Variants in MYO16 observed in about 807,000 individuals in gnomAD.
MYO16 encodes the protein unconventional myosin-XVI.
A neutral mutation model predicts 205.3 loss-of-function variants in MYO16; 94 were observed. The ratio of observed to expected loss-of-function variants is 0.46; its 90% CI spans 0.39 to 0.54. The LOEUF is 0.54. Ranked by LOEUF, MYO16 falls within the 20% of genes least tolerant of loss-of-function variation. MYO16 has a pLI of 0.00. For missense variants in MYO16, 2,315 were observed against 2,387.5 expected (o/e 0.97, Z 0.63); for synonymous variants, 988 against 954.0 (o/e 1.04, Z -0.66).
At chr13:109,117,223 C>T (rs1875736860) in intron 28 of MYO16, among the ~76,000 whole-genome samples, 1 of 151,992 alleles carries the variant, frequency 6.6e-6, no homozygotes, top group Non-Finnish European at 1.5e-5. Flanking sequence ...GTCTCTGTGA[C>T]TCACTTTATG....
the MYO16 span, among the ~76,000 whole-genome samples, chr13:108,534,988 C>T: frequency 1.4e-5 from 2 of 145,492 alleles, no homozygotes; most frequent in Non-Finnish European, 3.0e-5. Flanking sequence ...TTTCTTCTCT[C>T]CTTCCTTCCT....
intron 2 of MYO16, among the ~76,000 whole-genome samples, chr13:108,697,265 C>A (rs1297923007): frequency 1.3e-5 from 2 of 152,120 alleles, no homozygotes; most frequent in Non-Finnish European, 1.5e-5. Flanking sequence ...GCTCTCCTCC[C>A]TTCATTCTCT....
chr13:108,898,382 G>GTGTA, intron 15 of MYO16, among the ~76,000 whole-genome samples: 1 of 148,576 alleles, frequency 6.7e-6, no homozygotes, highest in South Asian at 2.3e-4. Context: ...GTGTGTGTGT[G>GTGTA]TGTGTGTATA....
At chr13:108,793,347 GGAA>G (rs1886680450) in intron 5 of MYO16, among the ~76,000 whole-genome samples, 166 bp from the exon 6 acceptor site, 1 of 151,700 alleles carries the variant, frequency 6.6e-6, no homozygotes, top group Non-Finnish European at 1.5e-5. Context: ...GACTATAGTT[GGAA>G]ATAGAATATG....
intron 1 of MYO16, among the ~76,000 whole-genome samples, chr13:108,621,466 C>G (rs1348616392): frequency 2.0e-5 from 3 of 152,134 alleles, no homozygotes; most frequent in Non-Finnish European, 4.4e-5. Context: ...TTTTAAATTG[C>G]ATGCTGTTCC....
chr13:108,993,284 C>A (rs1884898323), intron 21 of MYO16, among the ~76,000 whole-genome samples: 1 of 152,006 alleles, frequency 6.6e-6, no homozygotes. Flanking sequence ...ATTTCTTGGC[C>A]AAGATGAAGA....
At chr13:109,075,385 T>TTTTTTC (rs1888064108) in intron 27 of MYO16, among the ~76,000 whole-genome samples, 1 of 151,856 alleles carries the variant, frequency 6.6e-6, no homozygotes, top group Non-Finnish European at 1.5e-5. Flanking sequence ...CATTTCCTTT[T>TTTTTTC]TTTTTCTTTT....
At chr13:108,750,074 A>G (rs1885182224) in intron 4 of MYO16, among the ~76,000 whole-genome samples, 1 of 150,856 alleles carries the variant, frequency 6.6e-6, no homozygotes, top group African/African-American at 2.4e-5. Context: ...GAATAAAAAA[A>G]TGTCAGTGTT....
At chr13:108,628,818 A>G (rs1283917318), upstream of MYO16, among the ~76,000 whole-genome samples, 1 of 152,178 alleles carries the variant, frequency 6.6e-6, no homozygotes. Flanking sequence ...TATAACCTCA[A>G]ACCTGAAACA....
intron 22 of MYO16, among the ~76,000 whole-genome samples, chr13:109,014,220 G>A (rs1355587918): frequency 1.3e-5 from 2 of 152,264 alleles, no homozygotes; most frequent in East Asian, 1.9e-4. Context: ...TTATTAAATA[G>A]GGAATCCTTT....
intron 27 of MYO16, among the ~76,000 whole-genome samples, chr13:109,084,267 A>G (rs1412405551): frequency 6.6e-6 from 1 of 152,230 alleles, no homozygotes; most frequent in East Asian, 1.9e-4. Flanking sequence ...AGCATTGCCA[A>G]TTCATCCTAA....
the MYO16 span, among the ~76,000 whole-genome samples, chr13:108,559,387 C>T: frequency 2.0e-5 from 3 of 151,992 alleles, no homozygotes; most frequent in Non-Finnish European, 4.4e-5. Flanking sequence ...CTTGCATTTC[C>T]GGCCCCCAGG....
chr13:108,665,746 G>C, intron 1 of MYO16, 140 bp from the exon 2 acceptor site: 1 of 860,320 alleles, frequency 1.2e-6, no homozygotes, highest in South Asian at 3.0e-5. Context: ...AAGGGCTTTG[G>C]ATTTGCAATA....
intron 17 of MYO16, among the ~76,000 whole-genome samples, chr13:108,959,301 T>A (rs1250265950): frequency 6.6e-6 from 1 of 152,230 alleles, no homozygotes; most frequent in Non-Finnish European, 1.5e-5. Context: ...TGGTACTTTT[T>A]TGTTTTGATT....
intron 27 of MYO16, among the ~76,000 whole-genome samples, chr13:109,098,445 G>A (rs1756545344): frequency 6.6e-6 from 1 of 152,148 alleles, no homozygotes; most frequent in African/African-American, 2.4e-5. Context: ...TTAAAGAGGT[G>A]GTAGATGGTT....
chr13:108,588,868 C>A, the MYO16 span, among the ~76,000 whole-genome samples: 15 of 151,388 alleles, frequency 9.9e-5, no homozygotes, highest in Admixed American at 6.6e-5. Flanking sequence ...GATAAATATA[C>A]TTTCTTTTCA....
In MYO16 at chr13:109,075,712, C is replaced by A. The variant is rs199646992; in HGVS notation, c.3335+20117C>A. Among the ~76,000 whole-genome samples, 5 of 152,044 alleles carry A rather than the reference C, an allele frequency of 3.3e-5. No individual in the cohort carries two copies. The South Asian group carries it at 6.2e-4, about 19-fold the overall frequency. Reference sequence around the variant, plus strand: ...ATGGGCTTATTTGCCATCCTTACATCTTCTTTAGTGAATTTTCTGTTCAGG... The same window carrying A: ...ATGGGCTTATTTGCCATCCTTACATATTCTTTAGTGAATTTTCTGTTCAGG... On this transcript the variant is annotated intron_variant, in intron 27 of 34. Transcript: ENST00000457511.
intron 15 of MYO16, among the ~76,000 whole-genome samples, chr13:108,900,604 A>G (rs888025886): frequency 5.9e-5 from 9 of 152,280 alleles, no homozygotes; most frequent in African/African-American, 2.2e-4. Flanking sequence ...CACTTCCCCA[A>G]TCAATACCCT....
At chr13:108,926,285 T>C (rs761536657) in intron 16 of MYO16, among the ~76,000 whole-genome samples, 1 of 152,246 alleles carries the variant, frequency 6.6e-6, no homozygotes, top group Non-Finnish European at 1.5e-5. Context: ...GTCTTCACTC[T>C]TTCTATCTCC....
Sources: gnomAD v4.1 joint callset for allele counts (sites outside exome capture counted in the v4.1 genomes callset) on GRCh38, gnomAD v4.1.1 for gene constraint, MANE v1.5 for transcripts, NCBI Gene and HGNC (gene_info 2026-07-23, HGNC 2026-07-21) for gene names.